The following USP6 variants were observed in gnomAD, a reference collection of about 807,000 sequenced individuals.
The protein encoded by USP6 is ubiquitin specific peptidase 6.
A neutral mutation model predicts 175.7 loss-of-function variants in USP6; 128 were observed. The observed-to-expected ratio is 0.73, with a 90% CI of 0.63 to 0.84. The LOEUF is 0.84. Among genes scored for constraint, USP6 ranks in the 40% least tolerant of loss-of-function variants. The pLI is 0.00. For missense variants in USP6, 1,498 were observed against 1,760.3 expected (o/e 0.85, Z 2.67); for synonymous variants, 562 against 630.6 (o/e 0.89, Z 1.63).
rs578076315 is a variant in USP6 at position 5,135,966 on chromosome 17, G to C, written c.664+38G>C. ...CTGCCCGTGGGGCCTCACGCAGCCA[G>C]ACCCGGGAAAGCCACTGTGGCCAGG... On this transcript the variant is annotated intron_variant, in intron 17 of 37. Transcript: ENST00000574788. The C allele has an allele frequency of 8.3e-5, 133 of 1,597,288 alleles. No homozygotes were observed. The South Asian group carries it at 1.3e-3, about 16-fold the overall frequency.
chr17:5,137,697 A>G lies in USP6; in HGVS notation c.872A>G (p.Glu291Gly). The change falls in exon 20 of 38, where the codon GAA becomes GGA. Residue 291 changes from glutamate (E) to glycine (G), a missense_variant. Coordinates refer to ENST00000574788, the MANE Select transcript of USP6 (RefSeq NM_001304284.2). Reference sequence around the variant, plus strand: ...CGCCTGTGGGACGTGTATTTGGTGGAAGGAGAACAGGTGTTGATGCCAATA... The same window carrying G: ...CGCCTGTGGGACGTGTATTTGGTGGGAGGAGAACAGGTGTTGATGCCAATA... ...TLRLWDVYLV[E>G]GEQVLMPITS... 1 of 1,608,772 alleles carries G rather than the reference A, an allele frequency of 6.2e-7. No homozygotes were observed. Among genetic ancestry groups the G allele is most frequent in the Non-Finnish European group, 8.5e-7 (1 of 1,176,378 alleles).
intron 11 of USP6, among the ~76,000 whole-genome samples, chr17:5,131,702 C>G (rs1157946810): frequency 6.6e-6 from 1 of 151,094 alleles, no homozygotes; most frequent in Non-Finnish European, 1.5e-5. Context: ...ACTAAAGACC[C>G]TGGGTCTGGT....
intron 36 of USP6, among the ~76,000 whole-genome samples, chr17:5,171,284 G>C (rs1346466260): frequency 1.3e-5 from 2 of 152,142 alleles, no homozygotes; most frequent in African/African-American, 2.4e-5. Context: ...AGTCTTTAGA[G>C]AGTTGTGATC....
chr17:5,171,107 A>C (rs1477722151), intron 36 of USP6, among the ~76,000 whole-genome samples, 192 bp downstream of exon 36: 2 of 152,062 alleles, frequency 1.3e-5, no homozygotes, highest in Non-Finnish European at 2.9e-5. Flanking sequence ...CCAGCACTTT[A>C]GAAGGCTGAG....
At position 5,170,527 on chromosome 17, in the gene USP6, A is replaced by T. The variant is rs1178929400; in HGVS notation, c.3566A>T (p.Lys1189Ile). 6.2e-7 allele frequency: 1 copy of T among 1,611,632 alleles called. No homozygotes were observed. Among genetic ancestry groups the T allele is most frequent in the Non-Finnish European group, 8.5e-7 (1 of 1,179,708 alleles). Residue 1189 changes from lysine (K) to isoleucine (I), a missense_variant, in exon 36 of 38, where the codon AAA becomes ATA. Transcript: ENST00000574788. ...RKSGTSCPSSKNSSPNSSPRT... is the reference protein window; with the variant it reads ...RKSGTSCPSSINSSPNSSPRT... ...AGTGGAACCAGCTGTCCCTCCAGCA[A>T]AAACAGCAGCCCTAATAGCAGCCCA...
Position 5,139,667 on chromosome 17 carries a change from C to T in USP6, c.1491C>T (p.Cys497=), listed in dbSNP as rs776194242. 5.6e-6 allele frequency: 9 copies of T among 1,608,646 alleles called. No homozygotes were observed. Among genetic ancestry groups the T allele is most frequent in the East Asian group, 4.5e-5 (2 of 44,868 alleles). ...QLATCWQAEH[C]GEVHNKDMSW... is the part of the protein sequence containing the mutation. ...CCACCTGCTGGCAGGCTGAACACTG[C>T]GGAGAGGGTGAGGTTGGCTTTCACT... The change falls in exon 22 of 38, where the codon TGC becomes TGT. Residue 497 remains cysteine, a synonymous_variant. Transcript: ENST00000574788.
intron 31 of USP6, among the ~76,000 whole-genome samples, chr17:5,160,609 T>G (rs749635451): frequency 1.3e-5 from 2 of 152,260 alleles, no homozygotes; most frequent in Non-Finnish European, 2.9e-5. Flanking sequence ...TGCCACATTT[T>G]CTTAATCCAG....
chr17:5,124,243 G>T (rs1177192258), intron 4 of USP6, among the ~76,000 whole-genome samples: 1 of 152,170 alleles, frequency 6.6e-6, no homozygotes, highest in Non-Finnish European at 1.5e-5. Context: ...GGGACAGGGT[G>T]GCTGAGAACC....
rs761260967 is a variant in USP6, at chr17:5,138,123, C to G, written c.928C>G (p.Arg310Gly). 4 of 1,614,044 alleles carry G rather than the reference C, an allele frequency of 2.5e-6. No homozygotes were observed. In the South Asian group the frequency reaches 4.4e-5, roughly 18 times the overall value. Residue 310 changes from arginine (R) to glycine (G), a missense_variant and splice_region_variant, in exon 21 of 38, where the codon CGC becomes GGC. Arg to Gly is a moderately radical substitution (Grantham distance 125, BLOSUM62 -2). Around this residue, in one of 2 missense-constraint regions of USP6, gnomAD observed 1,217 missense variants for 1,500.8 expected, o/e 0.81. Coordinates refer to ENST00000574788, the MANE Select transcript of USP6 (RefSeq NM_001304284.2). ...TSIALKVQQK[R>G]LMKTSRCGLW... The stretch of plus-strand genomic sequence containing the variant: ...CCTGATATCCACCCTGTCCCTAGAG[C>G]GCCTCATGAAGACATCCAGGTGTGG...
In USP6 at chr17:5,146,084, G is replaced by A. The variant is rs2073601064; in HGVS notation, c.2229G>A (p.Lys743=). The part of the protein sequence containing the change: ...RYGLRLNMDE[K]YTGLKKQLRD... ...GACTAAGACTGAATATGGATGAAAA[G>A]TACACAGGTTTAAAAAAACAGCTGA... The change falls in exon 28 of 38, where the codon AAG becomes AAA. Residue 743 remains lysine (K), a synonymous_variant. Coordinates refer to ENST00000574788, the MANE Select transcript of USP6 (RefSeq NM_001304284.2). 6.2e-7 allele frequency: 1 copy of A among 1,613,064 alleles called. No homozygotes were observed. Among genetic ancestry groups the A allele is most frequent in the Non-Finnish European group, 8.5e-7 (1 of 1,179,406 alleles).
chr17:5,125,684 A>ATGCGCG (rs1567772140), intron 5 of USP6, 137 bp from the exon 6 acceptor site: 1 of 110,392 alleles, frequency 9.1e-6, no homozygotes, highest in African/African-American at 2.9e-5. Context: ...ACATGCACAC[A>ATGCGCG]CACACACACA....
chr17:5,164,592 G>A (rs1037488337), intron 33 of USP6, among the ~76,000 whole-genome samples: 30 of 152,322 alleles, frequency 2.0e-4, no homozygotes, highest in African/African-American at 6.7e-4. Context: ...AGGACATCCT[G>A]CTTATAGGAA....
At chr17:5,136,777 C>T (rs2073269002) in intron 18 of USP6, 43 bp downstream of exon 18, 7 of 1,603,824 alleles carry the variant, frequency 4.4e-6, no homozygotes, top group Non-Finnish European at 6.0e-6. Context: ...GGCCCTGCCT[C>T]CTGTGGGGCT....
rs769603628 is a variant in USP6, at chr17:5,139,527, T to TGGA, written c.1352_1354dup (p.Trp451_Lys452insArg). On this transcript the variant is annotated inframe_insertion, in exon 22 of 38. Coordinates refer to ENST00000574788, the MANE Select transcript of USP6 (RefSeq NM_001304284.2). ...TCAGGGTTCCTGGAGATTCCTGGAGTGGAAGTCAATGCCCCGGCTCCCAAC... is the reference window on the plus strand; with the variant it reads ...TCAGGGTTCCTGGAGATTCCTGGAGTGGAGGAAGTCAATGCCCCGGCTCCCAAC... 1.2e-6 allele frequency: 2 copies of TGGA among 1,613,342 alleles called. No individual in the cohort carries two copies. Among genetic ancestry groups the TGGA allele is most frequent in the South Asian group, 2.2e-5 (2 of 91,026 alleles).
At chr17:5,118,031 T>C (rs1162201770) in intron 1 of USP6, among the ~76,000 whole-genome samples, 169 bp from the exon 2 acceptor site, 2 of 148,914 alleles carry the variant, frequency 1.3e-5, no homozygotes, top group Non-Finnish European at 3.0e-5. Flanking sequence ...ATCATGCCAC[T>C]GCACTCTAGC....
intron 7 of USP6, among the ~76,000 whole-genome samples, chr17:5,128,141 C>A (rs3853647): frequency 0.1 from 15,545 of 152,184 alleles, 1,735 homozygotes; most frequent in South Asian, 0.47. Context: ...AAGCCCTCCC[C>A]TTGGATGTTC....
intron 37 of USP6, among the ~76,000 whole-genome samples, chr17:5,172,380 A>T (rs1277661934): frequency 6.6e-6 from 1 of 150,548 alleles, no homozygotes; most frequent in African/African-American, 2.5e-5. Flanking sequence ...AACTACAAAA[A>T]ATTAGCCAGA....
At chr17:5,163,841 G>C (rs115699793) in intron 33 of USP6, among the ~76,000 whole-genome samples, 3 of 152,090 alleles carry the variant, frequency 2.0e-5, no homozygotes, top group African/African-American at 7.2e-5. Flanking sequence ...GGATTGAAAT[G>C]TTTCCATTTT....
At position 5,142,012 on chromosome 17, in the gene USP6, A is replaced by G. The variant is rs2073461449; in HGVS notation, c.1583A>G (p.Glu528Gly). The G allele has an allele frequency of 1.2e-6, 2 of 1,612,312 alleles. No individual in the cohort carries two copies. The highest frequency in any genetic ancestry group is 1.7e-6 in the Non-Finnish European group (2 of 1,179,350). Reference sequence around the variant, plus strand: ...ATATTGTTTGTTCCAGTTCCCACAGAAAAGGGAGCCACAGGTCTAAGCAAC... The same window carrying G: ...ATATTGTTTGTTCCAGTTCCCACAGGAAAGGGAGCCACAGGTCTAAGCAAC... ...SKIDRQKVPT[E>G]KGATGLSNLG... Residue 528 changes from glutamate to glycine, a missense_variant, in exon 24 of 38, where the codon GAA (glutamate) becomes GGA (glycine). This residue lies in a region of USP6 where 1,217 missense variants were observed against 1,500.8 expected (regional missense o/e 0.81). Transcript: ENST00000574788.
Sources: gnomAD v4.1 joint callset for allele counts (sites outside exome capture counted in the v4.1 genomes callset) on GRCh38, gnomAD v4.1.1 for gene constraint, gnomAD v4.1.1 regional missense constraint, MANE v1.5 for transcripts, NCBI Gene and HGNC (gene_info 2026-07-23, HGNC 2026-07-21) for gene names.